Variants in BAZ2B observed in about 807,000 individuals in gnomAD.
BAZ2B encodes bromodomain adjacent to zinc finger domain 2B, also known as bromodomain adjacent to zinc finger domain protein 2B.
A neutral mutation model predicts 246.0 loss-of-function variants in BAZ2B; 91 were observed. The ratio of observed to expected loss-of-function variants is 0.37; its 90% CI spans 0.31 to 0.44. The LOEUF is 0.44. BAZ2B is among the 20% of genes least tolerant of loss of function. The pLI is 1.00. For missense variants in BAZ2B, 2,332 were observed against 2,533.7 expected, an observed-to-expected ratio of 0.92 and a Z score of 1.71; for synonymous variants, 855 against 860.0, an observed-to-expected ratio of 0.99 and a Z score of 0.10.
chr2:159,426,378 T>G (rs1303792069), intron 13 of BAZ2B, among the ~76,000 whole-genome samples: 2 of 152,088 alleles, frequency 1.3e-5, no homozygotes, highest in Non-Finnish European at 2.9e-5. Flanking sequence ...ATAATACAAG[T>G]AAGAATCTGA....
intron 2 of BAZ2B, among the ~76,000 whole-genome samples, chr2:159,497,639 A>C (rs535699819): frequency 6.6e-6 from 1 of 152,314 alleles, no homozygotes; most frequent in African/African-American, 2.4e-5. Flanking sequence ...GTGGTTGCTG[A>C]GATTAAGAGA....
At chr2:159,449,609 A>G (rs975927541) in intron 4 of BAZ2B, among the ~76,000 whole-genome samples, 11 of 152,246 alleles carry the variant, frequency 7.2e-5, no homozygotes, top group African/African-American at 1.9e-4. Context: ...AAAAAACAGT[A>G]TAAGTAGAAA....
the BAZ2B span, among the ~76,000 whole-genome samples, chr2:159,623,640 G>A: frequency 6.6e-6 from 1 of 152,022 alleles, no homozygotes; most frequent in African/African-American, 2.4e-5. Context: ...TCTTTTTGGA[G>A]TACAAAATGG....
chr2:159,686,830 CAGG>C, the BAZ2B span, among the ~76,000 whole-genome samples: 1 of 152,054 alleles, frequency 6.6e-6, no homozygotes, highest in Admixed American at 6.5e-5. Flanking sequence ...ATCACAAGGT[CAGG>C]AGATCGAGAC....
the BAZ2B span, among the ~76,000 whole-genome samples, chr2:159,647,553 C>T: frequency 6.6e-6 from 1 of 152,148 alleles, no homozygotes; most frequent in Non-Finnish European, 1.5e-5. Flanking sequence ...TGACCAAATA[C>T]CTGAGCACCC....
intron 2 of BAZ2B, among the ~76,000 whole-genome samples, chr2:159,551,224 C>T (rs934394685): frequency 6.6e-6 from 1 of 152,074 alleles, no homozygotes. Flanking sequence ...AATCCCAGCA[C>T]TTTGGGAGGC....
At chr2:159,343,580 G>A (rs2067144066) in intron 31 of BAZ2B, among the ~76,000 whole-genome samples, 1 of 151,990 alleles carries the variant, frequency 6.6e-6, no homozygotes, top group African/African-American at 2.4e-5. Flanking sequence ...TTAAAAATGG[G>A]CAAATAATCT....
At chr2:159,374,049 A>G (rs1309234616) in intron 26 of BAZ2B, among the ~76,000 whole-genome samples, 1 of 149,976 alleles carries the variant, frequency 6.7e-6, no homozygotes, top group Non-Finnish European at 1.5e-5. Context: ...TAATGCTATG[A>G]AATTCAGTTT....
chr2:159,604,951 T>C (rs10207760), intron 1 of BAZ2B, among the ~76,000 whole-genome samples: 16 of 144,426 alleles, frequency 1.1e-4, no homozygotes, highest in South Asian at 4.2e-4. Context: ...TGTGTGTGTG[T>C]GCGCGTGTGT....
At chr2:159,565,393 C>T (rs2090286996) in intron 1 of BAZ2B, among the ~76,000 whole-genome samples, 1 of 152,002 alleles carries the variant, frequency 6.6e-6, no homozygotes, top group African/African-American at 2.4e-5. Context: ...AAATGGGAGA[C>T]AGTATAACAC....
chr2:159,437,650 C>T (rs1433572381), intron 8 of BAZ2B: 2 of 152,322 alleles, frequency 1.3e-5, no homozygotes, highest in Admixed American at 6.6e-5. Flanking sequence ...GATGTAGTGG[C>T]TCATGCCTGT....
chr2:159,613,840 A>G (rs921727844), intron 1 of BAZ2B, among the ~76,000 whole-genome samples: 1 of 152,200 alleles, frequency 6.6e-6, no homozygotes, highest in African/African-American at 2.4e-5. Context: ...AACTCAGTCA[A>G]GCTTTCTATA....
chr2:159,650,906 A>G, the BAZ2B span, among the ~76,000 whole-genome samples: 3 of 152,196 alleles, frequency 2.0e-5, no homozygotes, highest in East Asian at 5.8e-4. Flanking sequence ...CCAATGCCCA[A>G]TGTCTTAAAA....
intron 2 of BAZ2B, among the ~76,000 whole-genome samples, chr2:159,549,479 C>T (rs1026804111): frequency 3.9e-5 from 6 of 152,108 alleles, no homozygotes; most frequent in Non-Finnish European, 7.4e-5. Context: ...TTTCCCTTTC[C>T]ATTCTTCTCC....
At chr2:159,642,400 G>A in the BAZ2B span, among the ~76,000 whole-genome samples, 1 of 151,902 alleles carries the variant, frequency 6.6e-6, no homozygotes, top group South Asian at 2.1e-4. Flanking sequence ...ACCACACCTA[G>A]CTAATTTTTG....
At chr2:159,553,412 A>G (rs145652571) in intron 2 of BAZ2B, among the ~76,000 whole-genome samples, 28,577 of 125,472 alleles carry the variant, frequency 0.23, 3,375 homozygotes, top group Non-Finnish European at 0.33. Flanking sequence ...AAAAAAAAAA[A>G]AAAAGAAAAG....
rs558290950 is a variant in BAZ2B, at chr2:159,570,215, C to T, written c.-45-14350G>A. On this transcript the variant is annotated intron_variant, in intron 1 of 36. Coordinates refer to ENST00000392783, the MANE Select transcript of BAZ2B (RefSeq NM_013450.4). The stretch of plus-strand genomic sequence containing the variant: ...TGTTTTTTTTCTGGAGACAGACTCT[C>T]GCTCTGTGGCCCAGGCTGGAGTGCA... Among the ~76,000 whole-genome samples the T allele has an allele frequency of 5.6e-4, 83 of 148,866 alleles. 1 individual carries two copies. The highest frequency in any genetic ancestry group is 2.0e-3 in the South Asian group (9 of 4,576).
intron 27 of BAZ2B, among the ~76,000 whole-genome samples, chr2:159,372,130 C>T (rs772640168): frequency 8.5e-5 from 13 of 152,182 alleles, no homozygotes; most frequent in Non-Finnish European, 1.9e-4. Flanking sequence ...AGCCAGTCTT[C>T]TCTCCCCAGT....
At chr2:159,501,977 TA>T (rs1460015790) in intron 2 of BAZ2B, among the ~76,000 whole-genome samples, 1 of 152,122 alleles carries the variant, frequency 6.6e-6, no homozygotes, top group South Asian at 2.1e-4. Flanking sequence ...TACAATGAAA[TA>T]TTATTCAACA....
Sources: allele counts gnomAD v4.1 joint callset (sites outside exome capture counted in the v4.1 genomes callset), GRCh38; gene constraint gnomAD v4.1.1; transcripts MANE v1.5; gene names NCBI Gene and HGNC (gene_info 2026-07-23, HGNC 2026-07-21).